TSPAN11: variants seen among roughly 807,000 people sequenced by gnomAD.
The protein encoded by TSPAN11 is tetraspanin 11.
Under a neutral mutation model 32.9 loss-of-function variants are expected in TSPAN11, and 29 were observed. The ratio of observed to expected loss-of-function variants is 0.88; its 90% confidence interval spans 0.66 to 1.20. The LOEUF (loss-of-function observed/expected upper bound fraction) is 1.20, where lower values mean the gene tolerates loss of function less well. TSPAN11 is among the 50% of genes most tolerant of loss of function. The probability of loss-of-function intolerance (pLI) is 0.00; values close to 1 mark genes in which losing one functional copy is unlikely to be tolerated. For synonymous variants in TSPAN11, 140 were observed against 141.3 expected (o/e 0.99, Z 0.07); for missense variants, 283 against 329.1 (o/e 0.86, Z 1.08).
intron 2 of TSPAN11, chr12:30,954,989 A>C (rs1185484978): frequency 6.6e-6 from 1 of 152,230 alleles, no homozygotes; most frequent in African/African-American, 2.4e-5. Context: ...CACTTGACAG[A>C]GTCTTAGAAG....
chr12:30,971,041 C>A (rs530143965), intron 3 of TSPAN11, among the ~76,000 whole-genome samples: 43 of 152,268 alleles, frequency 2.8e-4, no homozygotes, highest in African/African-American at 1.0e-3. Flanking sequence ...CAGCTGGGAG[C>A]CTCGGGCTGG....
Position 30,992,482 on chromosome 12 carries a change from A to G in TSPAN11, c.*567A>G, listed in dbSNP as rs926192754. On this transcript the variant is annotated 3_prime_UTR_variant, in exon 8 of 8. Coordinates refer to ENST00000546076, the MANE Select transcript of TSPAN11 (RefSeq NM_001370302.1). ...TCCTGCTGGCCTCATTCCTTCCTGAAGGGCCTAGGAGTGGGGAGGCCTGGG... is the reference window on the plus strand; with the variant it reads ...TCCTGCTGGCCTCATTCCTTCCTGAGGGGCCTAGGAGTGGGGAGGCCTGGG... The G allele has an allele frequency of 6.1e-6, 1 of 164,336 alleles. No homozygotes were observed. The highest frequency in any genetic ancestry group is 1.3e-5 in the Non-Finnish European group (1 of 74,114). The allele number at this position is 164,336 out of a possible 1,614,324, so 10.2% of individuals were successfully genotyped here.
intron 7 of TSPAN11, among the ~76,000 whole-genome samples, chr12:30,985,690 T>G (rs1939187722): frequency 6.6e-6 from 1 of 152,162 alleles, no homozygotes; most frequent in South Asian, 2.1e-4. Context: ...CTTCTTCACC[T>G]CTCTGGCCTT....
intron 1 of TSPAN11, among the ~76,000 whole-genome samples, chr12:30,928,298 G>T (rs966318022): frequency 1.3e-5 from 2 of 152,162 alleles, no homozygotes; most frequent in East Asian, 1.9e-4. Context: ...TTCTTTTTAT[G>T]CCGCCAAATG....
At chr12:30,951,774 C>T (rs1168686566) in intron 1 of TSPAN11, among the ~76,000 whole-genome samples, 1 of 152,194 alleles carries the variant, frequency 6.6e-6, no homozygotes, top group Non-Finnish European at 1.5e-5. Flanking sequence ...CTGGTACTGA[C>T]ACTTCTTTGG....
At chr12:30,972,242 T>C (rs1241299118) in intron 3 of TSPAN11, among the ~76,000 whole-genome samples, 2 of 151,886 alleles carry the variant, frequency 1.3e-5, no homozygotes, top group Non-Finnish European at 2.9e-5. Context: ...TAGGTTCAGG[T>C]CACACCAAGG....
the TSPAN11 span, among the ~76,000 whole-genome samples, chr12:31,014,840 AAAGGT>A: frequency 0.049 from 7,391 of 152,326 alleles, 224 homozygotes; most frequent in Middle Eastern, 0.16. Flanking sequence ...ATCCAGGCAC[AAAGGT>A]TAATTGGCAA....
intron 1 of TSPAN11, 98 bp downstream of exon 1, chr12:30,926,894 G>A (rs1424722538): frequency 8.0e-7 from 1 of 1,245,358 alleles, no homozygotes; most frequent in Non-Finnish European, 1.0e-6. Flanking sequence ...CCCGCCGGCA[G>A]TCCCGAGCTA....
At position 30,975,178 on chromosome 12, in the gene TSPAN11, G is replaced by T. The variant is rs539021022; in HGVS notation, c.277-3383G>T. Among the ~76,000 whole-genome samples the T allele has an allele frequency of 6.6e-6, 1 of 152,336 alleles. No homozygotes were observed. The highest frequency in any genetic ancestry group is 2.4e-5 in the African/African-American group (1 of 41,592). ...CTGAGATGATCGCGCCGGACCCAGG[G>T]AGTCAGGAAAGGCTGGGTAAGGTGC... is the stretch of plus-strand genomic sequence containing the variant. On this transcript the variant is annotated intron_variant, in intron 3 of 7. Coordinates refer to ENST00000546076, the MANE Select transcript of TSPAN11 (RefSeq NM_001370302.1). This position sits in a 1 kb window ranked among gnomAD's most constrained non-coding sequence, Gnocchi z 4.5.
At chr12:30,979,462 C>A in intron 4 of TSPAN11, 104 bp from the exon 5 acceptor site, 1 of 1,009,554 alleles carries the variant, frequency 9.9e-7, no homozygotes, top group Non-Finnish European at 1.5e-6. Context: ...ATCCACAGTC[C>A]GCAGTGTTCT....
chr12:30,960,008 G>A (rs1290568178), intron 2 of TSPAN11, among the ~76,000 whole-genome samples: 5 of 150,462 alleles, frequency 3.3e-5, no homozygotes, highest in African/African-American at 1.3e-4. Context: ...ACTGAGGTGG[G>A]GAACCGAGGT....
intron 2 of TSPAN11, among the ~76,000 whole-genome samples, chr12:30,959,711 C>T (rs1435756947): frequency 3.5e-5 from 5 of 142,792 alleles, no homozygotes; most frequent in East Asian, 2.3e-4. Flanking sequence ...ACCTGGGAGG[C>T]GGAGGTTGCA....
intron 2 of TSPAN11, among the ~76,000 whole-genome samples, chr12:30,961,727 A>T (rs79701829): frequency 0.013 from 2,004 of 151,884 alleles, 38 homozygotes; most frequent in East Asian, 0.079. Context: ...GTCTAATACA[A>T]CTCCCTGATT....
chr12:30,971,790 T>A (rs979264862), intron 3 of TSPAN11, among the ~76,000 whole-genome samples: 10 of 151,646 alleles, frequency 6.6e-5, no homozygotes, highest in African/African-American at 2.2e-4. Context: ...ATCTAATTAC[T>A]CACCTTAATG....
At chr12:30,954,654 C>A in intron 2 of TSPAN11, 1 of 153,898 alleles carries the variant, frequency 6.5e-6, no homozygotes, top group Non-Finnish European at 1.4e-5. Flanking sequence ...ACCATCAGTT[C>A]CCAAAAATAG....
At position 30,995,399 on chromosome 12, in the gene TSPAN11, T is replaced by C. The variant is rs977519684; in HGVS notation, c.*3484T>C. On this transcript the variant is annotated 3_prime_UTR_variant, in exon 8 of 8. Transcript: ENST00000546076. ...ATGGGGCACCTGCTATTGCTGGGGC[T>C]CTGGGGTGGACCCTGTGTGATTTCT... The C allele has an allele frequency of 3.3e-5, 5 of 152,508 alleles. No homozygotes were observed. The highest frequency in any genetic ancestry group is 1.2e-4 in the African/African-American group (5 of 41,462). The allele number at this position is 152,508 out of a possible 1,614,324, so 9.4% of individuals were successfully genotyped here. A position where few individuals can be genotyped will look rare whatever the true frequency, so the allele number is the denominator to read the frequency against.
chr12:31,001,238 G>A (rs142422554), downstream of TSPAN11, among the ~76,000 whole-genome samples: 40 of 152,284 alleles, frequency 2.6e-4, no homozygotes, highest in African/African-American at 8.9e-4. Context: ...AGATAGTCCC[G>A]CTTCACCCTC....
chr12:30,978,277 G>C (rs73286498), intron 3 of TSPAN11: 85 of 410,888 alleles, frequency 2.1e-4, no homozygotes, highest in African/African-American at 1.6e-3. Context: ...AACTTTGAGA[G>C]CAATAGTTGT....
At chr12:30,983,290 C>G in intron 7 of TSPAN11, 140 bp downstream of exon 7, 5 of 795,708 alleles carry the variant, frequency 6.3e-6, no homozygotes, top group Non-Finnish European at 9.8e-6. Flanking sequence ...TTCTTCTCTC[C>G]CCTTCCCTCT....
Sources: allele counts gnomAD v4.1 joint callset (sites outside exome capture counted in the v4.1 genomes callset), GRCh38; gene constraint gnomAD v4.1.1; non-coding constraint Gnocchi (gnomAD v3.1); transcripts MANE v1.5; gene names NCBI Gene and HGNC (gene_info 2026-07-23, HGNC 2026-07-21).